CCZ1B: variants seen among roughly 807,000 people sequenced by gnomAD.
CCZ1B encodes the protein CCZ1B vacuolar protein trafficking and biogenesis associated.
Under a neutral mutation model 58.8 loss-of-function variants are expected in CCZ1B, and 25 were observed. The ratio of observed to expected loss-of-function variants is 0.43; its 90% CI spans 0.31 to 0.59. The LOEUF is 0.59. CCZ1B is among the 20% of genes least tolerant of loss of function. The pLI is 0.12. For synonymous variants in CCZ1B, 66 were observed against 173.2 expected, an observed-to-expected ratio of 0.38 and a Z score of 4.86; for missense variants, 180 against 501.5, an observed-to-expected ratio of 0.36 and a Z score of 6.12.
rs187916637 is a variant in CCZ1B, at chr7:6,812,142, C to G, written c.843-79G>C. On this transcript the variant is annotated intron_variant, in intron 9 of 14. Transcript: ENST00000316731. The stretch of plus-strand genomic sequence containing the variant: ...AATCTAGAAACAGAACACACTCCCA[C>G]TTCATACACACCAGTTGCTTTTGAT... The G allele has an allele frequency of 6.1e-4, 656 of 1,071,376 alleles. 37 individuals carry two copies. The African/African-American group carries it at 6.7e-3, about 11-fold the overall frequency. The allele number at this position is 1,071,376 out of a possible 1,614,324, so 66.4% of individuals were successfully genotyped here.
rs1346235495 is a variant in CCZ1B, at chr7:6,813,678, C to T, written c.781-641G>A. On this transcript the variant is annotated intron_variant, in intron 8 of 14. Transcript: ENST00000316731. Reference sequence around the variant, plus strand: ...TACTTTGGGGAGAACACAGTGATATCATTTAAAAGTTCTCTGCAGGAAACC... The same window carrying T: ...TACTTTGGGGAGAACACAGTGATATTATTTAAAAGTTCTCTGCAGGAAACC... Among the ~76,000 whole-genome samples the T allele has an allele frequency of 9.4e-5, 14 of 149,462 alleles. 1 individual carries two copies. The highest frequency in any genetic ancestry group is 3.5e-4 in the African/African-American group (14 of 39,560).
chr7:6,809,822 G>A (rs1562427977), intron 10 of CCZ1B, among the ~76,000 whole-genome samples: 2 of 144,396 alleles, frequency 1.4e-5, no homozygotes, highest in South Asian at 2.4e-4. Flanking sequence ...GTGGGGTGCC[G>A]CCAGCAGACC....
intron 10 of CCZ1B, among the ~76,000 whole-genome samples, chr7:6,808,398 A>C (rs1435029025): frequency 3.0e-5 from 2 of 67,366 alleles, no homozygotes; most frequent in Non-Finnish European, 6.3e-5. Context: ...AAAAAAAAAA[A>C]CAAAAAACAA....
chr7:6,824,274 T>G (rs868317838), intron 3 of CCZ1B, 108 bp from the exon 4 acceptor site: 2 of 1,553,022 alleles, frequency 1.3e-6, no homozygotes, highest in Middle Eastern at 3.6e-4. Context: ...ACACAACTTC[T>G]TAAAACAGCC....
At chr7:6,818,675 A>C (rs1261380636) in intron 7 of CCZ1B, among the ~76,000 whole-genome samples, 1 of 79,434 alleles carries the variant, frequency 1.3e-5, no homozygotes, top group African/African-American at 5.3e-5. Context: ...GACAGAAAGA[A>C]AGAAAGAAAG....
At chr7:6,803,984 A>G (rs933811541) in intron 12 of CCZ1B, among the ~76,000 whole-genome samples, 4 of 147,480 alleles carry the variant, frequency 2.7e-5, no homozygotes, top group Non-Finnish European at 4.5e-5. Context: ...ACGTATGAAC[A>G]TTAAGACCAT....
At chr7:6,801,701 G>A (rs1782769037) in intron 12 of CCZ1B, 178 bp from the exon 13 acceptor site, 1 of 46,132 alleles carries the variant, frequency 2.2e-5, no homozygotes, top group African/African-American at 8.8e-5. Flanking sequence ...TCAGCCTCCT[G>A]AGTAGCTGGG....
chr7:6,822,793 C>T (rs1210738068), intron 5 of CCZ1B, among the ~76,000 whole-genome samples: 1 of 140,988 alleles, frequency 7.1e-6, no homozygotes, highest in East Asian at 2.0e-4. Flanking sequence ...CCTCGACCTC[C>T]AAGGTGCGAG....
At chr7:6,818,887 G>T (rs1783062900) in intron 7 of CCZ1B, among the ~76,000 whole-genome samples, 1 of 148,456 alleles carries the variant, frequency 6.7e-6, no homozygotes, top group Non-Finnish European at 1.5e-5. Flanking sequence ...GCAGTCTTGT[G>T]CCCACGTTGT....
At chr7:6,824,821 CTT>C (rs1783169159) in intron 1 of CCZ1B, 84 bp from the exon 2 acceptor site, 1 of 1,437,552 alleles carries the variant, frequency 7.0e-7, no homozygotes, top group Non-Finnish European at 9.3e-7. Context: ...ATGTCGACCT[CTT>C]GTGTCACACA....
intron 8 of CCZ1B, among the ~76,000 whole-genome samples, chr7:6,813,706 G>T (rs1782953394): frequency 6.7e-6 from 1 of 149,560 alleles, no homozygotes; most frequent in East Asian, 1.9e-4. Flanking sequence ...AGGAAACCAG[G>T]AAATTAAGTA....
At chr7:6,817,733 G>A (rs1189545335) in intron 7 of CCZ1B, among the ~76,000 whole-genome samples, 2 of 149,880 alleles carry the variant, frequency 1.3e-5, no homozygotes, top group Non-Finnish European at 3.0e-5. Context: ...AGTAGGTGGA[G>A]GCCGGGCACA....
Position 6,798,981 on chromosome 7 carries a change from A to G in CCZ1B, c.*243T>C. ...TTTATTAGTCTTATTTTCCAGTAAA[A>G]TATTCAAATAATGTCAAAAGAATGA... On this transcript the variant is annotated 3_prime_UTR_variant, in exon 15 of 15. Coordinates refer to ENST00000316731, the MANE Select transcript of CCZ1B (RefSeq NM_198097.5). 6.2e-6 allele frequency: 2 copies of G among 324,508 alleles called. No individual in the cohort carries two copies. Among genetic ancestry groups the G allele is most frequent in the Non-Finnish European group, 9.9e-6 (2 of 202,470 alleles). The allele number at this position is 324,508 out of a possible 1,614,324, so 20.1% of individuals were successfully genotyped here.
chr7:6,817,069 G>A (rs1482552166), intron 7 of CCZ1B, among the ~76,000 whole-genome samples: 1 of 152,310 alleles, frequency 6.6e-6, no homozygotes, highest in East Asian at 1.9e-4. Context: ...TGGAGTAAGA[G>A]GCTGTTTTTC....
chr7:6,812,910 G>C, intron 9 of CCZ1B, 66 bp downstream of exon 9: 1 of 1,533,352 alleles, frequency 6.5e-7, no homozygotes, highest in Non-Finnish European at 8.8e-7. Flanking sequence ...CTGGGTAACA[G>C]AGCCAGACTC....
At chr7:6,810,981 A>G (rs1782909116) in intron 10 of CCZ1B, among the ~76,000 whole-genome samples, 1 of 151,062 alleles carries the variant, frequency 6.6e-6, no homozygotes, top group Admixed American at 6.6e-5. Context: ...CCTCATTCTC[A>G]GGGGCAGACA....
chr7:6,817,875 T>G (rs13226134), intron 7 of CCZ1B, among the ~76,000 whole-genome samples: 3 of 148,980 alleles, frequency 2.0e-5, no homozygotes, highest in African/African-American at 5.1e-5. Context: ...GTTGTGGTAC[T>G]CACCTGTAAT....
intron 12 of CCZ1B, among the ~76,000 whole-genome samples, chr7:6,803,745 C>CCT (rs1782794074): frequency 6.7e-6 from 1 of 149,998 alleles, no homozygotes; most frequent in Admixed American, 6.7e-5. Context: ...GCGTGGATCA[C>CCT]GAGGTCAGGA....
In CCZ1B at chr7:6,824,163, C is replaced by G; in HGVS notation, c.316G>C (p.Val106Leu). Residue 106 changes from valine (V) to leucine (L), a missense_variant, in exon 4 of 15, where the codon GTT becomes CTT. Val to Leu is a conservative substitution (Grantham distance 32). Coordinates refer to ENST00000316731, the MANE Select transcript of CCZ1B (RefSeq NM_198097.5). The part of the protein sequence containing the change: ...PEENFWMVMV[V>L]RNPIIEKQSK... ...TGTTTTTCAATTATAGGATTCCGAA[C>G]AACCTACAAAGTTTGATAAACTGAA... is the stretch of plus-strand genomic sequence containing the variant. 6.9e-7 allele frequency: 1 copy of G among 1,439,390 alleles called. No individual in the cohort carries two copies. Among genetic ancestry groups the G allele is most frequent in the Non-Finnish European group, 9.3e-7 (1 of 1,073,200 alleles). The allele number at this position is 1,439,390 out of a possible 1,614,324, so 89.2% of individuals were successfully genotyped here.
Sources: gnomAD v4.1 joint callset for allele counts (sites outside exome capture counted in the v4.1 genomes callset) on GRCh38, gnomAD v4.1.1 for gene constraint, MANE v1.5 for transcripts, NCBI Gene and HGNC (gene_info 2026-07-23, HGNC 2026-07-21) for gene names.